Variants in TSHZ2 observed in about 807,000 individuals in gnomAD.
TSHZ2 encodes teashirt zinc finger homeobox 2.
Under a neutral mutation model 74.4 loss-of-function variants are expected in TSHZ2, and 21 were observed. That is an observed-to-expected ratio of 0.28 (90% CI 0.20 to 0.41). The LOEUF (loss-of-function observed/expected upper bound fraction) is 0.41. TSHZ2 is among the 10% of genes least tolerant of loss of function. The probability of loss-of-function intolerance (pLI) is 1.00; values close to 1 mark genes in which losing one functional copy is unlikely to be tolerated. For synonymous variants in TSHZ2, 540 were observed against 515.3 expected (o/e 1.05, Z -0.65); for missense variants, 1,244 against 1,293.5 (o/e 0.96, Z 0.59).
At position 53,264,308 on chromosome 20, in the gene TSHZ2, A is replaced by G. The variant is rs138088408; in HGVS notation, c.*8+7737A>G. ...GCAGGTAGCAGGTAGCAGGTAGCAC[A>G]CAGCAGTAGCACAGCAGCAGGTAGT... On this transcript the variant is annotated intron_variant, in intron 2 of 2. Transcript: ENST00000371497. Among the ~76,000 whole-genome samples, 318 of 151,900 alleles carry G rather than the reference A, an allele frequency of 2.1e-3. 5 individuals are homozygous for G. Among genetic ancestry groups the G allele is most frequent in the African/African-American group, 7.3e-3 (305 of 41,548 alleles).
chr20:53,348,292 G>A (rs1370068398), intron 2 of TSHZ2, among the ~76,000 whole-genome samples: 1 of 152,208 alleles, frequency 6.6e-6, no homozygotes, highest in Non-Finnish European at 1.5e-5. Context: ...CAATGGAATA[G>A]CCATAAAAGG....
At chr20:53,001,220 G>GTGTATGTGTGTGTGTGTGTGTGTA (rs1982411437) in intron 1 of TSHZ2, among the ~76,000 whole-genome samples, 5 of 146,400 alleles carry the variant, frequency 3.4e-5, no homozygotes, top group African/African-American at 1.3e-4. Context: ...GTGTGTGTGT[G>GTGTATGTGTGTGTGTGTGTGTGTA]TGTGTGTGTG....
chr20:53,458,150 G>C (rs1422033595), intron 2 of TSHZ2, among the ~76,000 whole-genome samples: 287 of 150,796 alleles, frequency 1.9e-3, no homozygotes, highest in Non-Finnish European at 3.3e-3. Flanking sequence ...GTTCCTCCTT[G>C]TACCTCTGGT....
rs1986415358 is a variant in TSHZ2 at position 53,490,396 on chromosome 20, T to G, written c.*3261T>G. The G allele has an allele frequency of 6.6e-6, 1 of 152,238 alleles. No individual in the cohort carries two copies. The highest frequency in any genetic ancestry group is 1.5e-5 in the Non-Finnish European group (1 of 68,038). 9.4% of individuals were successfully genotyped at this position (152,238 alleles called of 1,614,324 possible). A position where few individuals can be genotyped will look rare whatever the true frequency, so the allele number is the denominator to read the frequency against. On this transcript the variant is annotated 3_prime_UTR_variant, in exon 3 of 3. Transcript: ENST00000371497. ...AACACTTCACACAACAGCCTGGCCT[T>G]CCTGTGTTTTACAACAGCTCCTAAA...
intron 2 of TSHZ2, among the ~76,000 whole-genome samples, chr20:53,297,330 G>A (rs1270134916): frequency 2.0e-5 from 3 of 146,490 alleles, no homozygotes; most frequent in Non-Finnish European, 3.0e-5. Context: ...GCTCACTGCA[G>A]CCTTGACCTC....
intron 1 of TSHZ2, among the ~76,000 whole-genome samples, chr20:53,069,024 G>T (rs1600674461): frequency 6.6e-6 from 1 of 152,082 alleles, no homozygotes; most frequent in African/African-American, 2.4e-5. Context: ...CGAGTGTTAG[G>T]TTTACAGTTC....
intron 1 of TSHZ2, among the ~76,000 whole-genome samples, chr20:53,020,861 C>T (rs1158124197): frequency 2.0e-5 from 3 of 152,180 alleles, no homozygotes; most frequent in Non-Finnish European, 2.9e-5. Context: ...CCATAGGCTC[C>T]GGAAACAGAC....
chr20:53,135,618 C>T (rs1444268679), intron 1 of TSHZ2, among the ~76,000 whole-genome samples: 1 of 152,126 alleles, frequency 6.6e-6, no homozygotes, highest in South Asian at 2.1e-4. Context: ...TATTTTGAGA[C>T]AGGTTCTTGC....
chr20:53,322,314 A>C (rs1979302815), intron 2 of TSHZ2, among the ~76,000 whole-genome samples: 1 of 152,130 alleles, frequency 6.6e-6, no homozygotes, highest in African/African-American at 2.4e-5. Context: ...AGAGTTCAAG[A>C]CCAGCCTGGC....
At chr20:53,155,904 C>A (rs984872467) in intron 1 of TSHZ2, among the ~76,000 whole-genome samples, 2 of 152,118 alleles carry the variant, frequency 1.3e-5, no homozygotes. Context: ...GACAATACCA[C>A]CCCTGGATGT....
chr20:53,263,109 T>C (rs1051405482), intron 2 of TSHZ2, among the ~76,000 whole-genome samples: 3 of 152,192 alleles, frequency 2.0e-5, no homozygotes, highest in African/African-American at 4.8e-5. Flanking sequence ...CAGAAGGTGT[T>C]TCCATGGGGC....
At chr20:53,218,887 C>T (rs1482084921) in intron 1 of TSHZ2, among the ~76,000 whole-genome samples, 1 of 152,128 alleles carries the variant, frequency 6.6e-6, no homozygotes, top group Non-Finnish European at 1.5e-5. Context: ...GTTTTCTACA[C>T]CATTTTGGAG....
At chr20:53,175,554 G>A (rs1157622181) in intron 1 of TSHZ2, among the ~76,000 whole-genome samples, 14 of 152,130 alleles carry the variant, frequency 9.2e-5, no homozygotes, top group Admixed American at 7.2e-4. Flanking sequence ...AGGAAGCATG[G>A]CACTGCTTTC....
At chr20:53,354,773 T>A (rs1980784992) in intron 2 of TSHZ2, among the ~76,000 whole-genome samples, 1 of 152,372 alleles carries the variant, frequency 6.6e-6, no homozygotes, top group Non-Finnish European at 1.5e-5. Flanking sequence ...GATAAAGAAT[T>A]GAGTATCATG....
At chr20:53,151,708 T>A (rs1987681165) in intron 1 of TSHZ2, among the ~76,000 whole-genome samples, 1 of 152,184 alleles carries the variant, frequency 6.6e-6, no homozygotes, top group Non-Finnish European at 1.5e-5. Context: ...ATTTTGGGAA[T>A]CAAAGATAAG....
At chr20:53,484,657 A>T (rs1986249244) in intron 2 of TSHZ2, among the ~76,000 whole-genome samples, 1 of 152,130 alleles carries the variant, frequency 6.6e-6, no homozygotes, top group Admixed American at 6.5e-5. Flanking sequence ...AGGTGCTGGG[A>T]TTACAGGCGT....
At chr20:53,397,961 C>T (rs1189897595) in intron 2 of TSHZ2, 1 of 151,730 alleles carries the variant, frequency 6.6e-6, no homozygotes, top group Non-Finnish European at 1.5e-5. Flanking sequence ...TGGGGAACAT[C>T]ACACAGAGGG....
At chr20:53,037,186 G>A (rs937449728) in intron 1 of TSHZ2, among the ~76,000 whole-genome samples, 1 of 152,140 alleles carries the variant, frequency 6.6e-6, no homozygotes, top group African/African-American at 2.4e-5. Context: ...AATTGCCAGT[G>A]TCACCCTTGC....
At chr20:53,152,130 C>A (rs1302187499) in intron 1 of TSHZ2, among the ~76,000 whole-genome samples, 1 of 152,180 alleles carries the variant, frequency 6.6e-6, no homozygotes, top group African/African-American at 2.4e-5. Context: ...ATTACAACAT[C>A]CCTGAAGTTA....
Sources: gnomAD v4.1 joint callset for allele counts (sites outside exome capture counted in the v4.1 genomes callset) on GRCh38, gnomAD v4.1.1 for gene constraint, MANE v1.5 for transcripts, NCBI Gene and HGNC (gene_info 2026-07-23, HGNC 2026-07-21) for gene names.